The following PRKCE variants were observed in gnomAD, a reference collection of about 807,000 sequenced individuals.
PRKCE encodes the protein protein kinase C epsilon, also known as protein kinase C epsilon type.
In PRKCE, 16 loss-of-function variants were observed where a neutral mutation model predicts 85.4. The ratio of observed to expected loss-of-function variants is 0.19; its 90% CI spans 0.13 to 0.28. The LOEUF (loss-of-function observed/expected upper bound fraction) is 0.28. Ranked by LOEUF, PRKCE falls within the 10% of genes least tolerant of loss-of-function variation. The probability of loss-of-function intolerance (pLI) is 1.00; values close to 1 mark genes in which losing one functional copy is unlikely to be tolerated. For missense variants in PRKCE, 573 were observed against 975.2 expected (o/e 0.59, Z 5.49); for synonymous variants, 388 against 371.5 (o/e 1.04, Z -0.51).
At chr2:45,999,054 A>G (rs1413775009) in intron 6 of PRKCE, among the ~76,000 whole-genome samples, 2 of 152,194 alleles carry the variant, frequency 1.3e-5, no homozygotes, top group Non-Finnish European at 2.9e-5. Context: ...AAATACTATA[A>G]TTACACATAA....
At chr2:46,165,212 C>T (rs1247997230) in intron 14 of PRKCE, among the ~76,000 whole-genome samples, 5 of 152,232 alleles carry the variant, frequency 3.3e-5, no homozygotes, top group Non-Finnish European at 5.9e-5. Context: ...GGAGACTTTC[C>T]TGTCTTTCGT....
At chr2:45,958,359 A>G (rs1433972811) in intron 2 of PRKCE, among the ~76,000 whole-genome samples, 1 of 151,470 alleles carries the variant, frequency 6.6e-6, no homozygotes, top group Non-Finnish European at 1.5e-5. Context: ...AATACAAAAA[A>G]TTAGCCAGGC....
Position 45,907,454 on chromosome 2 carries a change from A to G in PRKCE, c.412+64391A>G, listed in dbSNP as rs569770310. ...GGTAACACTCCTGTGAACAAAACCAAGACGAGTTTTGTCCCTGCCACAGAG... is the reference window on the plus strand; with the variant it reads ...GGTAACACTCCTGTGAACAAAACCAGGACGAGTTTTGTCCCTGCCACAGAG... On this transcript the variant is annotated intron_variant, in intron 2 of 14. Coordinates refer to ENST00000306156, the MANE Select transcript of PRKCE (RefSeq NM_005400.3). This position sits in a 1 kb window ranked among gnomAD's most constrained non-coding sequence, Gnocchi z 4.5. 6.6e-6 allele frequency among the ~76,000 whole-genome samples: 1 copy of G among 152,362 alleles called. No homozygotes were observed. Among genetic ancestry groups the G allele is most frequent in the East Asian group, 1.9e-4 (1 of 5,190 alleles).
At chr2:46,179,626 C>T (rs1304250152) in intron 14 of PRKCE, among the ~76,000 whole-genome samples, 1 of 152,222 alleles carries the variant, frequency 6.6e-6, no homozygotes, top group Non-Finnish European at 1.5e-5. Context: ...CACAAAGTCC[C>T]TAAACATATC....
chr2:46,181,786 T>C, intron 14 of PRKCE, among the ~76,000 whole-genome samples: 1 of 152,192 alleles, frequency 6.6e-6, no homozygotes. Flanking sequence ...GTTCCCCTCA[T>C]TAGCAGCCAT....
At position 46,075,165 on chromosome 2, in the gene PRKCE, C is replaced by G. The variant is rs549264699; in HGVS notation, c.1438-11043C>G. On this transcript the variant is annotated intron_variant, in intron 10 of 14. Coordinates refer to ENST00000306156, the MANE Select transcript of PRKCE (RefSeq NM_005400.3). ...ACGCCGTTCTCCTGCCTGAGCCTCC[C>G]GAGTAGCTGGGACTGTAGGCACGCA... is the stretch of plus-strand genomic sequence containing the variant. Among the ~76,000 whole-genome samples, 6 of 152,198 alleles carry G rather than the reference C, an allele frequency of 3.9e-5. No individual in the cohort carries two copies. The East Asian group carries it at 1.2e-3, about 30-fold the overall frequency.
chr2:45,759,915 T>C (rs1400205777), intron 1 of PRKCE, among the ~76,000 whole-genome samples: 1 of 152,208 alleles, frequency 6.6e-6, no homozygotes, highest in Admixed American at 6.5e-5. Flanking sequence ...TTTGAGTTTC[T>C]AATGTGTAGT....
At position 46,029,611 on chromosome 2, in the gene PRKCE, C is replaced by T. The variant is rs1269645190; in HGVS notation, c.1437+19094C>T. 2.6e-5 allele frequency among the ~76,000 whole-genome samples: 4 copies of T among 151,814 alleles called. 1 individual carries two copies. Among genetic ancestry groups the T allele is most frequent in the Non-Finnish European group, 5.9e-5 (4 of 67,992 alleles). On this transcript the variant is annotated intron_variant, in intron 10 of 14. Transcript: ENST00000306156. Reference sequence around the variant, plus strand: ...CAGGAAGAAGGAGCAGGTCCTAGACCAAGAGCTCAAGCAAGCCTGTTCATG... The same window carrying T: ...CAGGAAGAAGGAGCAGGTCCTAGACTAAGAGCTCAAGCAAGCCTGTTCATG...
intron 6 of PRKCE, among the ~76,000 whole-genome samples, chr2:45,993,003 C>G (rs574345043): frequency 6.6e-6 from 1 of 152,180 alleles, no homozygotes; most frequent in East Asian, 1.9e-4. Context: ...TATTTCTTCC[C>G]GGTACAACTT....
intron 2 of PRKCE, among the ~76,000 whole-genome samples, chr2:45,896,050 A>T (rs1488073241): frequency 6.6e-6 from 1 of 152,184 alleles, no homozygotes; most frequent in African/African-American, 2.4e-5. Context: ...GAGTGTTGCT[A>T]ACCTAGATGT....
At chr2:45,925,705 G>A (rs186085675) in intron 2 of PRKCE, among the ~76,000 whole-genome samples, 9 of 152,186 alleles carry the variant, frequency 5.9e-5, no homozygotes, top group African/African-American at 9.7e-5. Flanking sequence ...GCATAAGCTC[G>A]GGGAGCTCAC....
chr2:45,663,268 A>T (rs1675759509), intron 1 of PRKCE, among the ~76,000 whole-genome samples: 1 of 152,256 alleles, frequency 6.6e-6, no homozygotes, highest in Non-Finnish European at 1.5e-5. Context: ...GAAAAACATT[A>T]TAATTAGAAA....
intron 1 of PRKCE, among the ~76,000 whole-genome samples, chr2:45,808,054 G>C (rs1198498429): frequency 6.6e-6 from 1 of 152,024 alleles, no homozygotes; most frequent in Non-Finnish European, 1.5e-5. Flanking sequence ...CTCCCAGACT[G>C]TTGCTGATCA....
intron 6 of PRKCE, among the ~76,000 whole-genome samples, chr2:45,992,803 C>T (rs1176180065): frequency 6.6e-6 from 1 of 152,162 alleles, no homozygotes; most frequent in African/African-American, 2.4e-5. Context: ...AACCAAGTCT[C>T]TCCAAATGAC....
intron 11 of PRKCE, among the ~76,000 whole-genome samples, chr2:46,093,593 A>T (rs925861240): frequency 6.7e-6 from 1 of 150,330 alleles, no homozygotes; most frequent in Non-Finnish European, 1.5e-5. Context: ...CAGTGTTACA[A>T]TGATAGCTCA....
chr2:45,814,350 C>T (rs746745921), intron 1 of PRKCE, among the ~76,000 whole-genome samples: 1 of 152,182 alleles, frequency 6.6e-6, no homozygotes, highest in Non-Finnish European at 1.5e-5. Flanking sequence ...TGCCTCGCAG[C>T]CAAGGGTCGT....
At chr2:45,852,196 A>G (rs1692323596) in intron 2 of PRKCE, among the ~76,000 whole-genome samples, 1 of 152,202 alleles carries the variant, frequency 6.6e-6, no homozygotes, top group African/African-American at 2.4e-5. Flanking sequence ...GGTCATACCT[A>G]CTTTCCAAAC....
In PRKCE at chr2:45,939,192, A is replaced by T. The variant is rs150304691; in HGVS notation, c.413-37237A>T. On this transcript the variant is annotated intron_variant, in intron 2 of 14. Transcript: ENST00000306156. ...CTTGGAGGCTTCAATAAGACAAGGG[A>T]TATGGGTGTGTTTCGGGAAAGAAAT... Among the ~76,000 whole-genome samples the T allele has an allele frequency of 2.3e-3, 343 of 152,316 alleles. 3 individuals carry two copies. The highest frequency in any genetic ancestry group is 7.6e-3 in the African/African-American group (318 of 41,572).
chr2:45,883,696 G>A (rs184129162), intron 2 of PRKCE, among the ~76,000 whole-genome samples: 4 of 152,308 alleles, frequency 2.6e-5, no homozygotes, highest in Non-Finnish European at 4.4e-5. Context: ...CCTATATGAT[G>A]TCAGTCAGTT....
Sources: allele counts gnomAD v4.1 joint callset (sites outside exome capture counted in the v4.1 genomes callset), GRCh38; gene constraint gnomAD v4.1.1; non-coding constraint Gnocchi (gnomAD v3.1); transcripts MANE v1.5; gene names NCBI Gene and HGNC (gene_info 2026-07-23, HGNC 2026-07-21).